The following PCDHGA1 variants were observed in gnomAD, a reference collection of about 807,000 sequenced individuals.
The protein encoded by PCDHGA1 is protocadherin gamma subfamily A, 1.
Under a neutral mutation model 58.0 loss-of-function variants are expected in PCDHGA1, and 32 were observed. The ratio of observed to expected loss-of-function variants is 0.55; its 90% CI spans 0.42 to 0.74. The LOEUF (loss-of-function observed/expected upper bound fraction) is 0.74, where lower values mean the gene tolerates loss of function less well. Among genes scored for constraint, PCDHGA1 ranks in the 30% least tolerant of loss-of-function variants. The pLI, the probability that PCDHGA1 is intolerant of heterozygous loss-of-function variation, is 0.00. For synonymous variants in PCDHGA1, 498 were observed against 501.1 expected (o/e 0.99, Z 0.08); for missense variants, 1,205 against 1,182.3 (o/e 1.02, Z -0.28).
At chr5:141,363,921 G>A (rs1014705709) in intron 1 of PCDHGA1, among the ~76,000 whole-genome samples, 20 of 152,132 alleles carry the variant, frequency 1.3e-4, no homozygotes, top group African/African-American at 4.3e-4. Flanking sequence ...TTTTTGTAAG[G>A]TATTGAGATC....
intron 1 of PCDHGA1, chr5:141,422,655 C>G (rs188587553): frequency 1.2e-6 from 2 of 1,610,122 alleles, no homozygotes; most frequent in South Asian, 2.2e-5. Context: ...TCTCAGTGAC[C>G]GCCCTCGACC....
At chr5:141,499,025 GAAGA>G (rs1309889371) in intron 2 of PCDHGA1, among the ~76,000 whole-genome samples, 11 of 140,712 alleles carry the variant, frequency 7.8e-5, no homozygotes, top group African/African-American at 2.6e-4. Flanking sequence ...AGGAAGGAAG[GAAGA>G]AAAGAAAGAA....
At chr5:141,389,513 C>G (rs749432491) in intron 1 of PCDHGA1, 2 of 1,613,038 alleles carry the variant, frequency 1.2e-6, no homozygotes, top group African/African-American at 1.3e-5. Flanking sequence ...TCAGCGCGAA[C>G]GTGAGCCTGC....
intron 1 of PCDHGA1, among the ~76,000 whole-genome samples, chr5:141,435,604 A>T (rs1361568996): frequency 6.6e-6 from 1 of 152,180 alleles, no homozygotes. Flanking sequence ...CCTGCTTTTT[A>T]CATTAAATTC....
In PCDHGA1 at chr5:141,432,635, G is replaced by T. The variant is rs754354737; in HGVS notation, c.2422-62172G>T. 8.7e-6 allele frequency: 14 copies of T among 1,613,004 alleles called. No individual in the cohort carries two copies. The South Asian group carries it at 1.4e-4, about 16-fold the overall frequency. On this transcript the variant is annotated intron_variant, in intron 1 of 3. Transcript: ENST00000517417. This position sits in a 1 kb window ranked among gnomAD's most constrained non-coding sequence, Gnocchi z 6.0. ...CTCGGTGGGTCTGCACACGGGCGAGGTGCGCACGGCGCGAGCCCTGCTGGA... is the reference window on the plus strand; with the variant it reads ...CTCGGTGGGTCTGCACACGGGCGAGTTGCGCACGGCGCGAGCCCTGCTGGA...
In PCDHGA1 at chr5:141,350,654, G is replaced by A. The variant is rs777439506; in HGVS notation, c.2421+17549G>A. On this transcript the variant is annotated intron_variant, in intron 1 of 3. Transcript: ENST00000517417. ...TAATGACAATGCACCACGTTTCGTT[G>A]CAAAAGGCATTGACTTAGAAATTTG... The A allele has an allele frequency of 8.7e-6, 14 of 1,614,026 alleles. No individual in the cohort carries two copies. The South Asian group carries it at 1.4e-4, about 16-fold the overall frequency.
intron 1 of PCDHGA1, chr5:141,342,575 G>T (rs1016807760): frequency 2.6e-5 from 4 of 152,230 alleles, no homozygotes; most frequent in African/African-American, 9.6e-5. Context: ...TGTTGTTTTG[G>T]TTACTATTAC....
intron 1 of PCDHGA1, chr5:141,382,881 C>G (rs780011802): frequency 6.5e-7 from 1 of 1,527,170 alleles, no homozygotes; most frequent in South Asian, 1.3e-5. Context: ...GGCGCCTAAG[C>G]AAGAGAAGCA....
At chr5:141,396,764 T>C (rs1040059955) in intron 1 of PCDHGA1, 1 of 152,236 alleles carries the variant, frequency 6.6e-6, no homozygotes, top group Non-Finnish European at 1.5e-5. Context: ...CCAATAAATG[T>C]TTGTTATTAA....
chr5:141,360,156 G>T (rs1761446039), intron 1 of PCDHGA1: 1 of 1,604,878 alleles, frequency 6.2e-7, no homozygotes, highest in Non-Finnish European at 8.5e-7. Context: ...GCTCAGGGAG[G>T]TGCGGGCTGG....
chr5:141,411,785 G>A (rs2095515346), intron 1 of PCDHGA1: 1 of 152,310 alleles, frequency 6.6e-6, no homozygotes, highest in South Asian at 2.1e-4. Context: ...TGGTGGCTGT[G>A]GTGGGAGAAT....
intron 1 of PCDHGA1, chr5:141,422,397 C>A (rs753017439): frequency 6.3e-6 from 10 of 1,597,488 alleles, no homozygotes; most frequent in African/African-American, 2.7e-5. Context: ...TTCCTAACCA[C>A]CTGCCTTTTA....
intron 1 of PCDHGA1, chr5:141,340,442 T>C: frequency 6.2e-7 from 1 of 1,614,188 alleles, no homozygotes; most frequent in South Asian, 1.1e-5. Context: ...AACTTACTCT[T>C]TCGCGGAGGA....
intron 1 of PCDHGA1, among the ~76,000 whole-genome samples, chr5:141,359,477 G>T (rs1761224775): frequency 1.3e-5 from 2 of 151,182 alleles, no homozygotes; most frequent in South Asian, 4.2e-4. Flanking sequence ...ACAAATTGTT[G>T]TATATTCATA....
intron 1 of PCDHGA1, among the ~76,000 whole-genome samples, chr5:141,347,366 G>A (rs1187902302): frequency 6.6e-6 from 1 of 151,858 alleles, no homozygotes; most frequent in Non-Finnish European, 1.5e-5. Flanking sequence ...TGTTTCCCAG[G>A]CTGGTCTGAA....
At chr5:141,384,886 G>A in intron 1 of PCDHGA1, 1 of 1,613,822 alleles carries the variant, frequency 6.2e-7, no homozygotes. Context: ...ACTCACCGTG[G>A]CTGTGGCTGA....
intron 1 of PCDHGA1, chr5:141,410,277 T>A (rs1461250700): frequency 1.9e-6 from 3 of 1,613,896 alleles, no homozygotes; most frequent in Non-Finnish European, 2.5e-6. Context: ...CAGTTTTACC[T>A]GGTGGTGGCC....
chr5:141,372,867 T>A, intron 1 of PCDHGA1: 1 of 1,387,652 alleles, frequency 7.2e-7, no homozygotes, highest in Non-Finnish European at 9.7e-7. Context: ...TTCATTGATT[T>A]AGAGATAAAA....
intron 2 of PCDHGA1, among the ~76,000 whole-genome samples, chr5:141,502,109 C>G (rs2099812899): frequency 1.3e-5 from 2 of 152,182 alleles, no homozygotes; most frequent in Admixed American, 1.3e-4. Flanking sequence ...ACCCTGCACC[C>G]TCAGCCAGGC....
Sources: allele counts gnomAD v4.1 joint callset (sites outside exome capture counted in the v4.1 genomes callset), GRCh38; gene constraint gnomAD v4.1.1; non-coding constraint Gnocchi (gnomAD v3.1); transcripts MANE v1.5; gene names NCBI Gene and HGNC (gene_info 2026-07-23, HGNC 2026-07-21).